MCF2L2: variants seen among roughly 807,000 people sequenced by gnomAD.
The protein encoded by MCF2L2 is probable guanine nucleotide exchange factor MCF2L2.
In MCF2L2, 102 loss-of-function variants were observed where a neutral mutation model predicts 150.2. That is an observed-to-expected ratio of 0.68 (90% CI 0.58 to 0.80). MCF2L2 has a LOEUF of 0.80. Among genes scored for constraint, MCF2L2 ranks in the 30% least tolerant of loss-of-function variants. The pLI is 0.00. For synonymous variants in MCF2L2, 465 were observed against 491.3 expected (o/e 0.95, Z 0.71); for missense variants, 1,256 against 1,372.8 (o/e 0.91, Z 1.34).
intron 3 of MCF2L2, among the ~76,000 whole-genome samples, chr3:183,364,173 T>A (rs112977951): frequency 6.6e-6 from 1 of 152,078 alleles, no homozygotes; most frequent in African/African-American, 2.4e-5. Context: ...CACTCATAAA[T>A]GAGAGAAAAT....
intron 1 of MCF2L2, among the ~76,000 whole-genome samples, chr3:183,415,102 C>T (rs1715519740): frequency 6.6e-6 from 1 of 151,936 alleles, no homozygotes; most frequent in African/African-American, 2.4e-5. Flanking sequence ...TTTCCATTTC[C>T]TTGTTGATCT....
chr3:183,213,500 T>C (rs1002184703), intron 22 of MCF2L2, among the ~76,000 whole-genome samples: 4 of 151,984 alleles, frequency 2.6e-5, no homozygotes, highest in African/African-American at 9.7e-5. Flanking sequence ...TAAAACCAGG[T>C]TAATATTAAA....
Position 183,295,313 on chromosome 3 carries a change from C to G in MCF2L2, c.1662G>C (p.Gln554His). The part of the protein sequence containing the change: ...SPKWVSSKTS[Q>H]PSTSVPLARP... ...CAAATAACCTACCCGAGGTGGAGGG[C>G]TGGCTGGTTTTTGATGACACCCATT... Residue 554 changes from glutamine to histidine, a missense_variant, in exon 13 of 30, where the codon CAG becomes CAC. By Grantham distance (24) the Gln-to-His change is conservative. Coordinates refer to ENST00000328913, the MANE Select transcript of MCF2L2 (RefSeq NM_015078.4). 1 of 1,608,312 alleles carries G rather than the reference C, an allele frequency of 6.2e-7. No individual in the cohort carries two copies. Among genetic ancestry groups the G allele is most frequent in the South Asian group, 1.1e-5 (1 of 90,564 alleles).
intron 13 of MCF2L2, among the ~76,000 whole-genome samples, chr3:183,290,610 T>C (rs1304501290): frequency 2.0e-5 from 3 of 152,024 alleles, no homozygotes. Flanking sequence ...CTCAGCTCAC[T>C]GCAACCTCCG....
At chr3:183,402,451 CAAAAAAA>C (rs779201489) in intron 1 of MCF2L2, among the ~76,000 whole-genome samples, 9,329 of 54,772 alleles carry the variant, frequency 0.17, 767 homozygotes, top group African/African-American at 0.31. Flanking sequence ...GAGACTCCAT[CAAAAAAA>C]AAAAAAAAAA....
chr3:183,322,699 G>T (rs1729862504), intron 6 of MCF2L2, among the ~76,000 whole-genome samples: 1 of 152,122 alleles, frequency 6.6e-6, no homozygotes, highest in South Asian at 2.1e-4. Flanking sequence ...TATATTGCAT[G>T]ATGCCAAGGT....
At chr3:183,232,069 G>T (rs1723582792) in intron 15 of MCF2L2, among the ~76,000 whole-genome samples, 1 of 152,138 alleles carries the variant, frequency 6.6e-6, no homozygotes. Context: ...TATGAACTCA[G>T]ATCTATATGG....
intron 15 of MCF2L2, among the ~76,000 whole-genome samples, chr3:183,261,977 A>G (rs1384758247): frequency 7.0e-6 from 1 of 143,650 alleles, no homozygotes; most frequent in Non-Finnish European, 1.5e-5. Context: ...AAAAAAAAAA[A>G]GAATAGAATT....
intron 15 of MCF2L2, 130 bp downstream of exon 15, chr3:183,276,742 G>T: frequency 1.7e-6 from 1 of 583,076 alleles, no homozygotes. Flanking sequence ...CATAAATGAA[G>T]GTTAGTATAG....
At chr3:183,251,134 T>C (rs914951362) in intron 15 of MCF2L2, among the ~76,000 whole-genome samples, 1 of 152,174 alleles carries the variant, frequency 6.6e-6, no homozygotes, top group African/African-American at 2.4e-5. Flanking sequence ...TCAGAATACA[T>C]GGCCCGTGAT....
Position 183,181,925 on chromosome 3 carries a change from G to A in MCF2L2, c.3017-1766C>T, listed in dbSNP as rs1721537275. 6.6e-6 allele frequency among the ~76,000 whole-genome samples: 1 copy of A among 152,164 alleles called. No homozygotes were observed. The highest frequency in any genetic ancestry group is 1.5e-5 in the Non-Finnish European group (1 of 68,010). On this transcript the variant is annotated intron_variant, in intron 27 of 29. Transcript: ENST00000328913. This position sits in a 1 kb window ranked among gnomAD's most constrained non-coding sequence, Gnocchi z 4.3. Reference sequence around the variant, plus strand: ...CTCTAGCCCCTCCGCAGGGTAAGTGGTACCTCCAGGTAAAATGATTAGTTG... The same window carrying A: ...CTCTAGCCCCTCCGCAGGGTAAGTGATACCTCCAGGTAAAATGATTAGTTG...
rs182570255 is a variant in MCF2L2 at position 183,260,890 on chromosome 3, G to T, written c.1862+15982C>A. Among the ~76,000 whole-genome samples the T allele has an allele frequency of 1.7e-3, 261 of 152,318 alleles. 1 individual carries two copies. The highest frequency in any genetic ancestry group is 6.8e-3 in the Middle Eastern group (2 of 294). On this transcript the variant is annotated intron_variant, in intron 15 of 29. Coordinates refer to ENST00000328913, the MANE Select transcript of MCF2L2 (RefSeq NM_015078.4). Reference sequence around the variant, plus strand: ...TCTACAAATGTATTCTCTGCAGGAGGATAAGAATTCCAAATGGCTTCTAAT... The same window carrying T: ...TCTACAAATGTATTCTCTGCAGGAGTATAAGAATTCCAAATGGCTTCTAAT...
At chr3:183,379,506 T>C (rs1713392793) in intron 2 of MCF2L2, 95 bp from the exon 3 acceptor site, 1 of 771,516 alleles carries the variant, frequency 1.3e-6, no homozygotes, top group Non-Finnish European at 2.2e-6. Context: ...TCACCTCTTT[T>C]CCTACCTATA....
intron 3 of MCF2L2, among the ~76,000 whole-genome samples, chr3:183,370,734 T>A (rs2108576692): frequency 7.1e-6 from 1 of 139,934 alleles, no homozygotes; most frequent in African/African-American, 2.9e-5. Flanking sequence ...CCTGGCATAT[T>A]AACTTTGTTT....
chr3:183,259,910 C>T (rs1410122523), intron 15 of MCF2L2, among the ~76,000 whole-genome samples: 4 of 152,112 alleles, frequency 2.6e-5, no homozygotes, highest in Non-Finnish European at 1.5e-5. Flanking sequence ...GAAGTAAGAA[C>T]AGTGCTAACA....
intron 15 of MCF2L2, among the ~76,000 whole-genome samples, chr3:183,238,646 G>A (rs1723856510): frequency 2.0e-5 from 3 of 151,288 alleles, no homozygotes; most frequent in Admixed American, 6.6e-5. Context: ...TTCCAGCGTG[G>A]CCCAGGAAAG....
chr3:183,362,059 G>C (rs903387654), intron 3 of MCF2L2, among the ~76,000 whole-genome samples: 1 of 151,966 alleles, frequency 6.6e-6, no homozygotes, highest in Non-Finnish European at 1.5e-5. Context: ...TTAGGTATAC[G>C]CAAATATTCC....
At chr3:183,378,675 A>T (rs1325192261) in intron 3 of MCF2L2, 1 of 152,122 alleles carries the variant, frequency 6.6e-6, no homozygotes, top group Non-Finnish European at 1.5e-5. Flanking sequence ...AACAAGGGTC[A>T]TGTGTCCTAG....
intron 8 of MCF2L2, 145 bp from the exon 9 acceptor site, chr3:183,311,174 T>C (rs1430829646): frequency 1.7e-6 from 1 of 600,620 alleles, no homozygotes; most frequent in Non-Finnish European, 3.0e-6. Flanking sequence ...GTGTCACCTA[T>C]GCCTTTCTTC....
Sources: gnomAD v4.1 joint callset for allele counts (sites outside exome capture counted in the v4.1 genomes callset) on GRCh38, gnomAD v4.1.1 for gene constraint, Gnocchi (gnomAD v3.1) non-coding constraint, MANE v1.5 for transcripts, NCBI Gene and HGNC (gene_info 2026-07-23, HGNC 2026-07-21) for gene names.